The following PIGX variants were observed in gnomAD, a reference collection of about 807,000 sequenced individuals.
PIGX encodes the protein phosphatidylinositol glycan anchor biosynthesis class X.
A neutral mutation model predicts 28.7 loss-of-function variants in PIGX; 24 were observed. That is an observed-to-expected ratio of 0.84 (90% CI 0.60 to 1.17). The LOEUF (loss-of-function observed/expected upper bound fraction) is 1.17. PIGX is among the 50% of genes most tolerant of loss of function. The pLI, the probability that PIGX is intolerant of heterozygous loss-of-function variation, is 0.00. For missense variants in PIGX, 305 were observed against 317.8 expected (o/e 0.96, Z 0.31); for synonymous variants, 127 against 121.0 (o/e 1.05, Z -0.33).
At chr3:196,723,999 A>G (rs1288553409) in intron 3 of PIGX, among the ~76,000 whole-genome samples, 3 of 147,964 alleles carry the variant, frequency 2.0e-5, no homozygotes, top group Non-Finnish European at 4.5e-5. Context: ...TTATGGAAGG[A>G]CCTCATTTTT....
In PIGX at chr3:196,728,137, G is replaced by A. The variant is rs771934702; in HGVS notation, c.532+1G>A. 59 of 1,611,906 alleles carry A rather than the reference G, an allele frequency of 3.7e-5. No homozygotes were observed. Among genetic ancestry groups the A allele is most frequent in the Non-Finnish European group, 4.8e-5 (57 of 1,178,144 alleles). On this transcript the variant is annotated splice_donor_variant, in intron 4 of 5. Coordinates refer to ENST00000392391, the MANE Select transcript of PIGX (RefSeq NM_017861.4). LOFTEE classifies it high-confidence loss of function. ...GATTTGTTGATGTTTTGTGACCAAG[G>A]TGAGGGCTGCAAGTGTTTTCTAAGG...
At position 196,724,754 on chromosome 3, in the gene PIGX, A is replaced by G. The variant is rs371485200; in HGVS notation, c.318+2198A>G. Among the ~76,000 whole-genome samples the G allele has an allele frequency of 6.6e-5, 10 of 152,330 alleles. No individual in the cohort carries two copies. In the East Asian group the frequency reaches 1.2e-3, roughly 18 times the overall value. ...AAATATATGGAATTTGATGCCTGAC[A>G]TATTCCTTCTGCCTAGTTGAGATTA... On this transcript the variant is annotated intron_variant, in intron 3 of 5. Transcript: ENST00000392391.
chr3:196,732,261 ATTT>A (rs1491273056), intron 5 of PIGX, among the ~76,000 whole-genome samples: 9 of 20,896 alleles, frequency 4.3e-4, no homozygotes, highest in African/African-American at 1.2e-3. Context: ...TATATATTTT[ATTT>A]TATTTTATTT....
At chr3:196,713,139 G>A (rs897897615) in intron 1 of PIGX, 1 of 958,706 alleles carries the variant, frequency 1.0e-6, no homozygotes, top group Non-Finnish European at 1.2e-6. Context: ...GGTTTGATGG[G>A]AGGAAAGCAC....
chr3:196,713,901 T>C (rs915833435), intron 1 of PIGX, among the ~76,000 whole-genome samples: 4 of 149,856 alleles, frequency 2.7e-5, no homozygotes, highest in Non-Finnish European at 5.9e-5. Context: ...ACCAAAGTAA[T>C]AGTTAAGAGG....
intron 5 of PIGX, among the ~76,000 whole-genome samples, chr3:196,731,598 C>T (rs1712757873): frequency 6.6e-6 from 1 of 152,212 alleles, no homozygotes; most frequent in Non-Finnish European, 1.5e-5. Flanking sequence ...ATGGATGACT[C>T]TGCAATCTTA....
rs142591667 is a variant in PIGX at position 196,720,961 on chromosome 3, T to A, written c.177-1454T>A. On this transcript the variant is annotated intron_variant, in intron 2 of 5. Transcript: ENST00000392391. The stretch of plus-strand genomic sequence containing the variant: ...TGCTCCATTATCTTCTAGCTTATTC[T>A]TATCTTTGTTAATCTCTCCATCATT... Among the ~76,000 whole-genome samples, 10 of 152,254 alleles carry A rather than the reference T, an allele frequency of 6.6e-5. 1 individual carries two copies. The highest frequency in any genetic ancestry group is 2.1e-4 in the South Asian group (1 of 4,830).
In PIGX at chr3:196,722,412, C is replaced by CAG; in HGVS notation, c.178_179dup. On this transcript the variant is annotated splice_polypyrimidine_tract_variant and splice_region_variant and intron_variant, in intron 2 of 5. Transcript: ENST00000392391. Reference sequence around the variant, plus strand: ...ATTTACTTTCAATGTACTTGTCTTACAGAGACCTTTTAATCAAAGTGAAGT... The same window carrying CAG: ...ATTTACTTTCAATGTACTTGTCTTACAGAGAGACCTTTTAATCAAAGTGAAGT... 1 of 1,605,996 alleles carries CAG rather than the reference C, an allele frequency of 6.2e-7. No homozygotes were observed.
At chr3:196,728,370 G>A (rs1712610626) in intron 4 of PIGX, 1 of 591,354 alleles carries the variant, frequency 1.7e-6, no homozygotes, top group Non-Finnish European at 3.0e-6. Flanking sequence ...TGCCATCCCT[G>A]TCCTTGACTG....
intron 3 of PIGX, chr3:196,726,565 T>C: frequency 2.3e-6 from 1 of 426,630 alleles, no homozygotes; most frequent in Non-Finnish European, 4.7e-6. Context: ...TCCTGTACTC[T>C]ATGAGTACTT....
intron 4 of PIGX, 62 bp from the exon 5 acceptor site, chr3:196,730,930 A>G: frequency 1.0e-6 from 1 of 958,010 alleles, no homozygotes; most frequent in Non-Finnish European, 1.7e-6. Flanking sequence ...GAGGTTTAAT[A>G]CAAGCCTAGC....
chr3:196,729,135 C>T (rs1464756607), intron 4 of PIGX, among the ~76,000 whole-genome samples: 2 of 151,928 alleles, frequency 1.3e-5, no homozygotes, highest in African/African-American at 4.8e-5. Context: ...AGTTCGAGAC[C>T]AGCCTGACCA....
intron 2 of PIGX, among the ~76,000 whole-genome samples, chr3:196,721,795 C>A (rs1712335325): frequency 6.6e-6 from 1 of 151,310 alleles, no homozygotes; most frequent in Non-Finnish European, 1.5e-5. Context: ...CTCTGTCACC[C>A]AGGCTGGAGT....
In PIGX at chr3:196,730,996, C is replaced by T; in HGVS notation, c.537C>T (p.Phe179=). Residue 179 remains phenylalanine, a synonymous_variant, in exon 5 of 6, where the codon TTC becomes TTT. Coordinates refer to ENST00000392391, the MANE Select transcript of PIGX (RefSeq NM_017861.4). ...ATTTTCTACCACTTTTCTCAGAGTTCCCGATTTTGAAATGCTGGGCTCACT... is the reference window on the plus strand; with the variant it reads ...ATTTTCTACCACTTTTCTCAGAGTTTCCGATTTTGAAATGCTGGGCTCACT... 1 of 1,603,254 alleles carries T rather than the reference C, an allele frequency of 6.2e-7. No individual in the cohort carries two copies. The highest frequency in any genetic ancestry group is 8.5e-7 in the Non-Finnish European group (1 of 1,171,036).
chr3:196,721,122 T>C (rs1337009850), intron 2 of PIGX: 1 of 310,910 alleles, frequency 3.2e-6, no homozygotes, highest in Non-Finnish European at 6.1e-6. Flanking sequence ...ATTCAGAAAG[T>C]GTTCAGCCAT....
chr3:196,723,557 C>T (rs906459672), intron 3 of PIGX, among the ~76,000 whole-genome samples: 2 of 151,740 alleles, frequency 1.3e-5, no homozygotes, highest in African/African-American at 4.8e-5. Context: ...CCAGGGAAAT[C>T]CTGATTCAGT....
intron 1 of PIGX, among the ~76,000 whole-genome samples, chr3:196,714,070 T>C (rs934216382): frequency 1.2e-4 from 18 of 152,196 alleles, no homozygotes; most frequent in African/African-American, 4.3e-4. Context: ...ACCAGTAGAA[T>C]TTAAGCCTGT....
chr3:196,733,964 G>T lies in PIGX; in HGVS notation c.*62G>T, dbSNP rs563801931. 2.9e-6 allele frequency: 3 copies of T among 1,041,470 alleles called. No homozygotes were observed. Among genetic ancestry groups the T allele is most frequent in the South Asian group, 1.4e-5 (1 of 71,704 alleles). 64.5% of individuals were successfully genotyped at this position (1,041,470 alleles called of 1,614,324 possible). The stretch of plus-strand genomic sequence containing the variant: ...AAGATCTATTAATTTCTGACGAGAG[G>T]TGTTCTTCTAGAATTAATTACTTTT... On this transcript the variant is annotated 3_prime_UTR_variant, in exon 6 of 6. Transcript: ENST00000392391. The surrounding 1 kb of genome is among the most constrained non-coding windows in gnomAD (Gnocchi z 4.3).
intron 3 of PIGX, among the ~76,000 whole-genome samples, chr3:196,723,733 C>T (rs147788116): frequency 7.9e-5 from 12 of 151,264 alleles, no homozygotes; most frequent in East Asian, 1.9e-4. Flanking sequence ...AATCTACTTA[C>T]GAATTTTTAA....
Sources: gnomAD v4.1 joint callset for allele counts (sites outside exome capture counted in the v4.1 genomes callset) on GRCh38, gnomAD v4.1.1 for gene constraint, Gnocchi (gnomAD v3.1) non-coding constraint, MANE v1.5 for transcripts, NCBI Gene and HGNC (gene_info 2026-07-23, HGNC 2026-07-21) for gene names.